The following CLIC5 variants were observed in gnomAD, a reference collection of about 807,000 sequenced individuals.
CLIC5 encodes the protein CLIC family member 5, also known as chloride intracellular channel protein 5.
In CLIC5, 20 loss-of-function variants were observed where a neutral mutation model predicts 24.7. That is an observed-to-expected ratio of 0.81 (90% CI 0.57 to 1.18). The LOEUF (loss-of-function observed/expected upper bound fraction) is 1.18, where lower values mean the gene tolerates loss of function less well. Among genes scored for constraint, CLIC5 ranks in the 50% most tolerant of loss-of-function variants. The probability of loss-of-function intolerance (pLI) is 0.00; values close to 1 mark genes in which losing one functional copy is unlikely to be tolerated. For synonymous variants in CLIC5, 159 were observed against 135.6 expected (o/e 1.17, Z -1.20); for missense variants, 341 against 326.1 (o/e 1.05, Z -0.35).
At chr6:46,089,139 C>T in the CLIC5 span, among the ~76,000 whole-genome samples, 1 of 152,182 alleles carries the variant, frequency 6.6e-6, no homozygotes, top group South Asian at 2.1e-4. Flanking sequence ...ACAAAGAAGG[C>T]AAATTACAGA....
At chr6:46,055,305 G>A (rs750627386) in intron 1 of CLIC5, among the ~76,000 whole-genome samples, 7 of 152,178 alleles carry the variant, frequency 4.6e-5, no homozygotes, top group East Asian at 1.9e-4. Flanking sequence ...GTTTCACCAC[G>A]TTGGCCAGGC....
chr6:45,895,638 C>T (rs1036224068), downstream of CLIC5, among the ~76,000 whole-genome samples: 2 of 152,166 alleles, frequency 1.3e-5, no homozygotes, highest in Admixed American at 6.6e-5. Context: ...CTAATAAATA[C>T]TTTTGAGCAT....
At chr6:45,969,980 C>G (rs1765144362) in intron 1 of CLIC5, among the ~76,000 whole-genome samples, 1 of 152,062 alleles carries the variant, frequency 6.6e-6, no homozygotes, top group Non-Finnish European at 1.5e-5. Flanking sequence ...GGGGAGATAA[C>G]ACAAGTAAAA....
chr6:45,973,699 G>A (rs1313731155), intron 1 of CLIC5, among the ~76,000 whole-genome samples: 1 of 152,204 alleles, frequency 6.6e-6, no homozygotes, highest in East Asian at 1.9e-4. Context: ...AGCACTTTGG[G>A]AGGCCGAGGC....
At chr6:45,956,478 T>C (rs1366143384) in intron 1 of CLIC5, among the ~76,000 whole-genome samples, 1 of 151,892 alleles carries the variant, frequency 6.6e-6, no homozygotes, top group Non-Finnish European at 1.5e-5. Flanking sequence ...GAGTTTTTTT[T>C]TTTTTTTTTT....
intron 3 of CLIC5, among the ~76,000 whole-genome samples, chr6:45,948,083 G>A (rs1561955847): frequency 1.3e-5 from 2 of 152,200 alleles, no homozygotes; most frequent in Non-Finnish European, 2.9e-5. Context: ...ACTGTGAAAT[G>A]AGGATAATGA....
chr6:46,118,220 GTTATC>G, the CLIC5 span, among the ~76,000 whole-genome samples: 927 of 152,286 alleles, frequency 6.1e-3, 8 homozygotes, highest in African/African-American at 0.021. Context: ...AATATTATTT[GTTATC>G]TTATCATGTT....
rs570970675 is a variant in CLIC5 at position 46,047,180 on chromosome 6, T to C, written c.540+32523A>G. Among the ~76,000 whole-genome samples the C allele has an allele frequency of 1.5e-4, 23 of 152,362 alleles. No homozygotes were observed. The South Asian group carries it at 4.8e-3, about 32-fold the overall frequency. On this transcript the variant is annotated intron_variant, in intron 1 of 5. Transcript: ENST00000185206. ...GATGGTATTAGAGTTGCCATGGGCA[T>C]CTTGGGTACTTCACTAAGTGGGAAG...
At chr6:46,121,685 C>A in the CLIC5 span, among the ~76,000 whole-genome samples, 2 of 152,200 alleles carry the variant, frequency 1.3e-5, no homozygotes, top group East Asian at 3.9e-4. Flanking sequence ...TTCAGGAAAC[C>A]CATCTCTTGT....
At chr6:46,011,677 T>A (rs1363999194) in intron 1 of CLIC5, among the ~76,000 whole-genome samples, 8 of 152,178 alleles carry the variant, frequency 5.3e-5, no homozygotes, top group African/African-American at 2.4e-5. Context: ...GAGGAAGCAA[T>A]GCAAATGGGT....
intron 4 of CLIC5, among the ~76,000 whole-genome samples, chr6:45,939,778 C>A (rs960313856): frequency 1.3e-5 from 2 of 151,556 alleles, no homozygotes; most frequent in Non-Finnish European, 2.9e-5. Context: ...ATAGCTGGGA[C>A]TACAGGCATA....
chr6:46,078,290 G>A (rs1481782451), intron 1 of CLIC5, among the ~76,000 whole-genome samples: 1 of 152,096 alleles, frequency 6.6e-6, no homozygotes, highest in Non-Finnish European at 1.5e-5. Flanking sequence ...AATCTGGGAG[G>A]TGAAAGTTGC....
chr6:46,120,360 C>T, the CLIC5 span, among the ~76,000 whole-genome samples: 5 of 152,234 alleles, frequency 3.3e-5, no homozygotes, highest in African/African-American at 1.2e-4. Context: ...AACATACCTG[C>T]AGCTGAGGGT....
the CLIC5 span, among the ~76,000 whole-genome samples, chr6:46,121,979 T>C: frequency 6.6e-6 from 1 of 152,126 alleles, no homozygotes; most frequent in Non-Finnish European, 1.5e-5. Flanking sequence ...ACAATAATAA[T>C]GGGAGACTTT....
the CLIC5 span, among the ~76,000 whole-genome samples, chr6:46,099,242 T>C: frequency 3.0e-4 from 46 of 152,188 alleles, no homozygotes; most frequent in Non-Finnish European, 5.0e-4. Context: ...TGTTGGTCTT[T>C]AGGATGTTTG....
At chr6:45,885,063 C>G (rs558894643) in intron 6 of CLIC5, among the ~76,000 whole-genome samples, 9 of 149,944 alleles carry the variant, frequency 6.0e-5, no homozygotes, top group African/African-American at 2.2e-4. Flanking sequence ...ACCCTACCAC[C>G]GCCCACTACC....
chr6:46,066,407 C>T (rs760749684), intron 1 of CLIC5, among the ~76,000 whole-genome samples: 1 of 152,080 alleles, frequency 6.6e-6, no homozygotes, highest in Admixed American at 6.6e-5. Flanking sequence ...CAGGACTTGC[C>T]ATAGACCCCA....
Position 46,006,541 on chromosome 6 carries a change from G to A in CLIC5, c.63+8939C>T, listed in dbSNP as rs537304700. ...AGTTTTCTGGGACACATCCGGGCTT[G>A]TCTTGCTTCTGAGCCATTGTTCACA... On this transcript the variant is annotated intron_variant, in intron 1 of 5. Transcript: ENST00000339561. Among the ~76,000 whole-genome samples the A allele has an allele frequency of 2.0e-5, 3 of 152,200 alleles. No homozygotes were observed. The South Asian group carries it at 6.2e-4, about 32-fold the overall frequency.
At chr6:45,931,284 A>G (rs1028084231) in intron 4 of CLIC5, among the ~76,000 whole-genome samples, 1 of 152,208 alleles carries the variant, frequency 6.6e-6, no homozygotes, top group Non-Finnish European at 1.5e-5. Context: ...CTGACTTATG[A>G]GGAAGAGCTA....
Sources: allele counts gnomAD v4.1 joint callset (sites outside exome capture counted in the v4.1 genomes callset), GRCh38; gene constraint gnomAD v4.1.1; transcripts MANE v1.5; gene names NCBI Gene and HGNC (gene_info 2026-07-23, HGNC 2026-07-21).